The following LRP1B variants were observed in gnomAD, a reference collection of about 807,000 sequenced individuals.
LRP1B encodes the protein LDL receptor related protein 1B, also known as low-density lipoprotein receptor-related protein 1B.
In LRP1B, 217 loss-of-function variants were observed where a neutral mutation model predicts 556.6. That is an observed-to-expected ratio of 0.39 (90% CI 0.35 to 0.44). LRP1B has a LOEUF of 0.44. Among genes scored for constraint, LRP1B ranks in the 20% least tolerant of loss-of-function variants. The pLI, the probability that LRP1B is intolerant of heterozygous loss-of-function variation, is 1.00. For synonymous variants in LRP1B, 2,047 were observed against 1,865.8 expected, an observed-to-expected ratio of 1.10 and a Z score of -2.50; for missense variants, 5,053 against 5,620.8, an observed-to-expected ratio of 0.90 and a Z score of 3.23.
At chr2:140,632,397 G>C (rs1683918635) in intron 41 of LRP1B, among the ~76,000 whole-genome samples, 1 of 152,020 alleles carries the variant, frequency 6.6e-6, no homozygotes, top group African/African-American at 2.4e-5. Flanking sequence ...CTGTTATAAG[G>C]AAACTGTACT....
chr2:141,003,632 T>C (rs1697487155), intron 15 of LRP1B, among the ~76,000 whole-genome samples: 1 of 152,066 alleles, frequency 6.6e-6, no homozygotes, highest in African/African-American at 2.4e-5. Flanking sequence ...TGTGACTTGC[T>C]CCTCCCTGCC....
intron 41 of LRP1B, among the ~76,000 whole-genome samples, chr2:140,624,108 A>G (rs1340540731): frequency 6.6e-6 from 1 of 151,942 alleles, no homozygotes; most frequent in Non-Finnish European, 1.5e-5. Flanking sequence ...TTTAGCTATG[A>G]CTGAACCCAT....
chr2:140,456,671 A>G (rs1687120444), intron 61 of LRP1B, 68 bp from the exon 62 acceptor site: 1 of 1,426,500 alleles, frequency 7.0e-7, no homozygotes, highest in South Asian at 1.4e-5. Flanking sequence ...ACATGGGATT[A>G]GAGATAGGAC....
intron 2 of LRP1B, among the ~76,000 whole-genome samples, chr2:141,587,204 T>C (rs1352186328): frequency 6.6e-6 from 1 of 152,184 alleles, no homozygotes; most frequent in Non-Finnish European, 1.5e-5. Flanking sequence ...AAAGTATATA[T>C]GTGTCATCTA....
intron 2 of LRP1B, among the ~76,000 whole-genome samples, chr2:141,507,762 ATAT>A (rs1421731520): frequency 6.6e-6 from 1 of 152,122 alleles, no homozygotes; most frequent in Non-Finnish European, 1.5e-5. Context: ...TTAGGAAAAA[ATAT>A]TATGTTTTTA....
intron 3 of LRP1B, among the ~76,000 whole-genome samples, chr2:141,271,752 T>C (rs1195828473): frequency 1.4e-5 from 2 of 145,214 alleles, no homozygotes; most frequent in Non-Finnish European, 1.5e-5. Flanking sequence ...TGACTGCAGA[T>C]AGTAAGTAGA....
At chr2:142,107,526 G>A (rs1028569972) in intron 1 of LRP1B, among the ~76,000 whole-genome samples, 8 of 152,136 alleles carry the variant, frequency 5.3e-5, no homozygotes, top group South Asian at 2.1e-4. Flanking sequence ...TTTTTTATAA[G>A]TCACCTAGTC....
chr2:142,098,805 A>T (rs1262840185), intron 1 of LRP1B, among the ~76,000 whole-genome samples: 1 of 151,898 alleles, frequency 6.6e-6, no homozygotes, highest in African/African-American at 2.4e-5. Context: ...TTATTCTGAG[A>T]AATCTCAATG....
chr2:141,956,824 A>G (rs6740798), intron 1 of LRP1B, among the ~76,000 whole-genome samples: 13,127 of 152,078 alleles, frequency 0.086, 1,882 homozygotes, highest in African/African-American at 0.3. Flanking sequence ...GCCCTCTACC[A>G]TATCTTTTCA....
At chr2:140,420,703 C>T (rs1227948724) in intron 66 of LRP1B, among the ~76,000 whole-genome samples, 1 of 152,102 alleles carries the variant, frequency 6.6e-6, no homozygotes, top group Non-Finnish European at 1.5e-5. Flanking sequence ...ATAGATCCAG[C>T]AACAGGGAGA....
intron 3 of LRP1B, among the ~76,000 whole-genome samples, chr2:141,339,197 C>T (rs1291079250): frequency 7.9e-6 from 1 of 127,242 alleles, no homozygotes; most frequent in East Asian, 2.0e-4. Context: ...TTTTACTCTA[C>T]ATTTTATGTC....
chr2:141,727,569 G>A (rs1693086151), intron 2 of LRP1B, among the ~76,000 whole-genome samples: 1 of 152,060 alleles, frequency 6.6e-6, no homozygotes, highest in Non-Finnish European at 1.5e-5. Flanking sequence ...CAAGATATGT[G>A]ACCTTGGTCT....
At chr2:141,461,476 A>T (rs1559082564) in intron 3 of LRP1B, among the ~76,000 whole-genome samples, 1 of 152,174 alleles carries the variant, frequency 6.6e-6, no homozygotes, top group Non-Finnish European at 1.5e-5. Context: ...CATAGTAGGG[A>T]AATGAAAGTC....
chr2:141,956,629 T>G (rs984247437), intron 1 of LRP1B, among the ~76,000 whole-genome samples: 2 of 152,136 alleles, frequency 1.3e-5, no homozygotes, highest in African/African-American at 2.4e-5. Flanking sequence ...ATGCTTTTTT[T>G]GTAGTATAGA....
chr2:141,218,637 G>A (rs1356491917), intron 6 of LRP1B, among the ~76,000 whole-genome samples: 1 of 152,122 alleles, frequency 6.6e-6, no homozygotes, highest in Non-Finnish European at 1.5e-5. Flanking sequence ...AAGGGAAGGG[G>A]TAAAGGGAAA....
chr2:140,242,226 T>A (rs574220596), intron 87 of LRP1B, among the ~76,000 whole-genome samples: 1 of 151,262 alleles, frequency 6.6e-6, no homozygotes, highest in East Asian at 2.0e-4. Flanking sequence ...TCATTAATAG[T>A]TATCATACAG....
At chr2:141,765,644 A>T (rs540630221) in intron 2 of LRP1B, among the ~76,000 whole-genome samples, 1 of 152,326 alleles carries the variant, frequency 6.6e-6, no homozygotes, top group South Asian at 2.1e-4. Context: ...ATTTTGGCAG[A>T]AGAGTTGCCA....
intron 3 of LRP1B, among the ~76,000 whole-genome samples, chr2:141,326,716 G>A (rs1559007012): frequency 6.6e-6 from 1 of 152,142 alleles, no homozygotes; most frequent in Non-Finnish European, 1.5e-5. Flanking sequence ...GTACAAGGAA[G>A]TCCCCCACAA....
chr2:140,412,655 T>C (rs757753490), intron 66 of LRP1B, among the ~76,000 whole-genome samples: 3 of 152,052 alleles, frequency 2.0e-5, no homozygotes, highest in African/African-American at 4.8e-5. Context: ...CATAATTCTC[T>C]CAACAACTCT....
Sources: gnomAD v4.1 joint callset for allele counts (sites outside exome capture counted in the v4.1 genomes callset) on GRCh38, gnomAD v4.1.1 for gene constraint, MANE v1.5 for transcripts, NCBI Gene and HGNC (gene_info 2026-07-23, HGNC 2026-07-21) for gene names.